Variants in DEPTOR observed in about 807,000 individuals in gnomAD.
The protein encoded by DEPTOR is DEP domain-containing mTOR-interacting protein.
Under a neutral mutation model 41.6 loss-of-function variants are expected in DEPTOR, and 41 were observed. The observed-to-expected ratio is 0.98, with a 90% CI of 0.77 to 1.28. DEPTOR has a LOEUF of 1.28. DEPTOR is among the 50% of genes most tolerant of loss of function. The probability of loss-of-function intolerance (pLI) is 0.00; values close to 1 mark genes in which losing one functional copy is unlikely to be tolerated. For synonymous variants in DEPTOR, 195 were observed against 192.3 expected, an observed-to-expected ratio of 1.01 and a Z score of -0.12; for missense variants, 514 against 527.9, an observed-to-expected ratio of 0.97 and a Z score of 0.26.
At chr8:119,920,367 T>C (rs1827873826) in intron 1 of DEPTOR, among the ~76,000 whole-genome samples, 1 of 152,204 alleles carries the variant, frequency 6.6e-6, no homozygotes, top group African/African-American at 2.4e-5. Flanking sequence ...CTAGTTGTAA[T>C]ACAGTGCGAT....
chr8:119,879,594 C>T (rs554161745), intron 1 of DEPTOR, among the ~76,000 whole-genome samples: 17 of 151,670 alleles, frequency 1.1e-4, no homozygotes, highest in African/African-American at 2.7e-4. Flanking sequence ...TGCCTATAGT[C>T]CCATCTACTC....
chr8:119,983,734 ATT>A (rs1828796442), intron 4 of DEPTOR, among the ~76,000 whole-genome samples: 1 of 150,140 alleles, frequency 6.7e-6, no homozygotes, highest in African/African-American at 2.4e-5. Context: ...TGTAAAGTTT[ATT>A]TTTTAAAAAG....
In DEPTOR at chr8:119,955,831, G is replaced by T. The variant is rs189333365; in HGVS notation, c.426-9401G>T. 2.1e-3 allele frequency among the ~76,000 whole-genome samples: 323 copies of T among 152,322 alleles called. 1 individual carries two copies. The highest frequency in any genetic ancestry group is 7.1e-3 in the African/African-American group (297 of 41,576). On this transcript the variant is annotated intron_variant, in intron 3 of 8. Transcript: ENST00000286234. ...CCACTGAATTGTACGTGTTAAATAG[G>T]TTAATTGTATGGTATGTGAATTATC... is the stretch of plus-strand genomic sequence containing the variant.
intron 4 of DEPTOR, among the ~76,000 whole-genome samples, chr8:119,999,972 A>G (rs1450936914): frequency 6.6e-6 from 1 of 152,204 alleles, no homozygotes; most frequent in African/African-American, 2.4e-5. Flanking sequence ...AAATCAGTGC[A>G]TGTAAAAGCT....
At chr8:119,909,954 T>C (rs1293739179) in intron 1 of DEPTOR, among the ~76,000 whole-genome samples, 1 of 152,260 alleles carries the variant, frequency 6.6e-6, no homozygotes, top group Non-Finnish European at 1.5e-5. Flanking sequence ...AATCTGGAGC[T>C]ACCACCTAAA....
intron 1 of DEPTOR, among the ~76,000 whole-genome samples, chr8:119,878,791 A>G (rs1827260589): frequency 6.6e-6 from 1 of 151,764 alleles, no homozygotes; most frequent in Non-Finnish European, 1.5e-5. Flanking sequence ...CCTTCTCCCA[A>G]TGTATTTCAA....
chr8:119,970,777 G>A (rs142018574), intron 4 of DEPTOR, among the ~76,000 whole-genome samples: 97 of 152,238 alleles, frequency 6.4e-4, no homozygotes, highest in Admixed American at 3.3e-4. Context: ...AGGGCACATC[G>A]GGTGGAGTGT....
chr8:119,946,026 G>A (rs764016410), intron 3 of DEPTOR, among the ~76,000 whole-genome samples: 2 of 152,140 alleles, frequency 1.3e-5, no homozygotes, highest in East Asian at 1.9e-4. Context: ...TTGGTCGGGC[G>A]CTTTGTTGTT....
In DEPTOR at chr8:119,928,390, T is replaced by C. The variant is rs1186692455; in HGVS notation, c.123-10T>C. ...AGAATTTCCAAAGTAATTGCTAATT[T>C]TTCTTTCAGGCTCAGGCTGCACGAA... On this transcript the variant is annotated splice_polypyrimidine_tract_variant and intron_variant, in intron 1 of 8. Coordinates refer to ENST00000286234, the MANE Select transcript of DEPTOR (RefSeq NM_022783.4). The C allele has an allele frequency of 6.2e-7, 1 of 1,604,906 alleles. No individual in the cohort carries two copies. The highest frequency in any genetic ancestry group is 2.2e-5 in the East Asian group (1 of 44,768).
intron 8 of DEPTOR, among the ~76,000 whole-genome samples, chr8:120,028,205 G>A (rs1812829823): frequency 6.6e-6 from 1 of 151,884 alleles, no homozygotes; most frequent in Non-Finnish European, 1.5e-5. Context: ...ACCCAGGCTG[G>A]CATGCAGTGG....
At chr8:119,944,582 G>T (rs553863721) in intron 3 of DEPTOR, among the ~76,000 whole-genome samples, 1 of 149,836 alleles carries the variant, frequency 6.7e-6, no homozygotes, top group East Asian at 2.0e-4. Flanking sequence ...TTTGGTATAC[G>T]TACATAGCAT....
intron 3 of DEPTOR, among the ~76,000 whole-genome samples, chr8:119,934,673 TTA>T (rs1457736770): frequency 6.6e-6 from 1 of 152,224 alleles, no homozygotes; most frequent in East Asian, 1.9e-4. Flanking sequence ...TTAGCTGTTG[TTA>T]TTAGAGTAGT....
chr8:119,945,909 A>G (rs892305734), intron 3 of DEPTOR, among the ~76,000 whole-genome samples: 1 of 152,190 alleles, frequency 6.6e-6, no homozygotes, highest in Admixed American at 6.5e-5. Flanking sequence ...GTAAAAGTGG[A>G]TATTTGAAGA....
intron 3 of DEPTOR, among the ~76,000 whole-genome samples, chr8:119,943,292 G>C (rs981205444): frequency 6.6e-6 from 1 of 152,176 alleles, no homozygotes; most frequent in Non-Finnish European, 1.5e-5. Flanking sequence ...GCCAGAGATT[G>C]GGTAATTTAT....
At chr8:119,995,891 G>T (rs527285882) in intron 4 of DEPTOR, among the ~76,000 whole-genome samples, 1 of 152,232 alleles carries the variant, frequency 6.6e-6, no homozygotes, top group African/African-American at 2.4e-5. Context: ...CACTCTTTCA[G>T]CTTTTGAAGC....
chr8:119,977,366 T>C (rs184922087), intron 4 of DEPTOR, among the ~76,000 whole-genome samples: 4 of 152,026 alleles, frequency 2.6e-5, no homozygotes, highest in African/African-American at 7.2e-5. Flanking sequence ...CATTCTTAGC[T>C]CCTAAATGTT....
Position 120,001,633 on chromosome 8 carries a change from C to A in DEPTOR, c.713C>A (p.Ser238Tyr). The change falls in exon 5 of 9, where the codon TCC (serine) becomes TAC (tyrosine). Residue 238 changes from serine (S) to tyrosine (Y), a missense_variant. Ser to Tyr is a moderately radical substitution (Grantham distance 144). Transcript: ENST00000286234. Reference sequence around the variant, plus strand: ...CTGCTCAATGAAAAGTCCCCCTCCTCCCAGGAAACTCATGACAGTCCCTTC... The same window carrying A: ...CTGCTCAATGAAAAGTCCCCCTCCTACCAGGAAACTCATGACAGTCCCTTC... ...MELLNEKSPS[S>Y]QETHDSPFCL... 6.2e-7 allele frequency: 1 copy of A among 1,614,050 alleles called. No individual in the cohort carries two copies. The highest frequency in any genetic ancestry group is 8.5e-7 in the Non-Finnish European group (1 of 1,180,008).
intron 3 of DEPTOR, among the ~76,000 whole-genome samples, chr8:119,935,280 C>T (rs1329069552): frequency 6.6e-6 from 1 of 152,228 alleles, no homozygotes; most frequent in Non-Finnish European, 1.5e-5. Context: ...ACAATTTTTA[C>T]TTCTCAAAGG....
chr8:120,007,167 A>C (rs1029553390), intron 7 of DEPTOR, among the ~76,000 whole-genome samples: 19 of 152,234 alleles, frequency 1.2e-4, no homozygotes, highest in African/African-American at 3.9e-4. Context: ...CAAGATTGGC[A>C]TCATTTGCAC....
Sources: allele counts gnomAD v4.1 joint callset (sites outside exome capture counted in the v4.1 genomes callset), GRCh38; gene constraint gnomAD v4.1.1; transcripts MANE v1.5; gene names NCBI Gene and HGNC (gene_info 2026-07-23, HGNC 2026-07-21).